TMEM200A: variants seen among roughly 807,000 people sequenced by gnomAD.
TMEM200A encodes two transmembrane C.
TMEM200A carries 12 observed loss-of-function variants against 24.3 expected under a neutral mutation model. The ratio of observed to expected loss-of-function variants is 0.49; its 90% confidence interval spans 0.32 to 0.80. The LOEUF is 0.80. Ranked by LOEUF, TMEM200A falls within the 30% of genes least tolerant of loss-of-function variation. The pLI is 0.04. For synonymous variants in TMEM200A, 224 were observed against 224.4 expected, an observed-to-expected ratio of 1.00 and a Z score of 0.02; for missense variants, 545 against 614.4, an observed-to-expected ratio of 0.89 and a Z score of 1.19.
chr6:130,392,198 T>G (rs1048238443), intron 2 of TMEM200A, among the ~76,000 whole-genome samples: 7 of 152,214 alleles, frequency 4.6e-5, no homozygotes, highest in African/African-American at 1.7e-4. Context: ...ATTGTGAAGA[T>G]CAAATTAGGT....
chr6:130,389,858 A>G (rs889973376), intron 2 of TMEM200A, among the ~76,000 whole-genome samples: 7 of 152,174 alleles, frequency 4.6e-5, no homozygotes, highest in African/African-American at 1.7e-4. Context: ...ATTTTATTAC[A>G]TGGGCTTCCA....
chr6:130,401,501 CTCTT>C (rs1159987913), intron 2 of TMEM200A, among the ~76,000 whole-genome samples: 4 of 144,760 alleles, frequency 2.8e-5, no homozygotes, highest in Admixed American at 7.0e-5. Flanking sequence ...CTTCCTTTCT[CTCTT>C]TCTTTTTTCT....
At chr6:130,365,636 C>T, upstream of TMEM200A, 2 of 985,408 alleles carry the variant, frequency 2.0e-6, no homozygotes, top group South Asian at 9.4e-5. Flanking sequence ...ACCGGTGGTC[C>T]CGCGGTAGCT....
intron 2 of TMEM200A, among the ~76,000 whole-genome samples, chr6:130,428,439 T>C (rs1402672481): frequency 6.6e-6 from 1 of 152,164 alleles, no homozygotes; most frequent in Non-Finnish European, 1.5e-5. Context: ...CTTTTTTCTT[T>C]CTTTCTTTTG....
rs76737553 is a variant in TMEM200A at position 130,428,072 on chromosome 6, G to A, written c.-16-12335G>A. On this transcript the variant is annotated intron_variant, in intron 2 of 2. Coordinates refer to ENST00000296978, the MANE Select transcript of TMEM200A (RefSeq NM_001258277.2). The stretch of plus-strand genomic sequence containing the variant: ...TTATCCTGTTATTGTTATCTTAGGC[G>A]TCCCTTGAACTCATTTTTACTGCTA... Among the ~76,000 whole-genome samples, 845 of 152,070 alleles carry A rather than the reference G, an allele frequency of 5.6e-3. 9 individuals are homozygous for A. Among genetic ancestry groups the A allele is most frequent in the African/African-American group, 0.017 (702 of 41,510 alleles).
At chr6:130,425,951 ATTAT>A (rs1429034617) in intron 2 of TMEM200A, among the ~76,000 whole-genome samples, 2 of 152,178 alleles carry the variant, frequency 1.3e-5, no homozygotes, top group African/African-American at 2.4e-5. Context: ...ACAAATGCTA[ATTAT>A]TTATTTAGAA....
chr6:130,410,278 T>C (rs967367816), intron 2 of TMEM200A, among the ~76,000 whole-genome samples: 3 of 152,178 alleles, frequency 2.0e-5, no homozygotes, highest in African/African-American at 7.2e-5. Context: ...TCATCTTACA[T>C]ATTAGAAACT....
chr6:130,410,206 T>A (rs1779299992), intron 2 of TMEM200A, among the ~76,000 whole-genome samples: 1 of 152,128 alleles, frequency 6.6e-6, no homozygotes, highest in Non-Finnish European at 1.5e-5. Flanking sequence ...CCCTGTGTGG[T>A]CTGGCTGATT....
chr6:130,373,377 AC>A (rs1778364900), intron 1 of TMEM200A, among the ~76,000 whole-genome samples: 1 of 152,178 alleles, frequency 6.6e-6, no homozygotes, highest in African/African-American at 2.4e-5. Flanking sequence ...TAATCCTATG[AC>A]CCAAAGGCAC....
At chr6:130,387,508 G>T (rs925906877) in intron 2 of TMEM200A, among the ~76,000 whole-genome samples, 1 of 152,100 alleles carries the variant, frequency 6.6e-6, no homozygotes, top group African/African-American at 2.4e-5. Flanking sequence ...CCTGATCTTA[G>T]GTGATCCGCC....
At chr6:130,428,954 A>G (rs1399247633) in intron 2 of TMEM200A, among the ~76,000 whole-genome samples, 1 of 152,190 alleles carries the variant, frequency 6.6e-6, no homozygotes. Context: ...TACCAATTGT[A>G]TTGTATACCA....
intron 2 of TMEM200A, among the ~76,000 whole-genome samples, chr6:130,410,872 A>AG (rs1424602417): frequency 6.6e-6 from 1 of 152,208 alleles, no homozygotes; most frequent in Non-Finnish European, 1.5e-5. Context: ...CTTTAGTAGA[A>AG]GTTTTGGAAA....
intron 2 of TMEM200A, chr6:130,438,521 A>AGAT (rs1398170925): frequency 6.6e-6 from 1 of 152,226 alleles, no homozygotes; most frequent in African/African-American, 2.4e-5. Context: ...TTATGAATCA[A>AGAT]GATAGATATT....
chr6:130,397,959 C>T (rs977253783), intron 2 of TMEM200A, among the ~76,000 whole-genome samples: 4 of 151,062 alleles, frequency 2.6e-5, no homozygotes, highest in East Asian at 3.9e-4. Flanking sequence ...TCTTTATAAA[C>T]GTTTCTTTTT....
chr6:130,431,089 T>C (rs1226105860), intron 2 of TMEM200A, among the ~76,000 whole-genome samples: 1 of 152,172 alleles, frequency 6.6e-6, no homozygotes, highest in Non-Finnish European at 1.5e-5. Context: ...CTTGCCAAAG[T>C]GTAGACTTAT....
chr6:130,372,016 C>A (rs548265133), intron 1 of TMEM200A, among the ~76,000 whole-genome samples: 17 of 152,262 alleles, frequency 1.1e-4, no homozygotes, highest in Admixed American at 3.3e-4. Flanking sequence ...TATGCCTCCC[C>A]ACCATCGCCA....
intron 2 of TMEM200A, among the ~76,000 whole-genome samples, chr6:130,417,939 G>A (rs1215999836): frequency 6.6e-6 from 1 of 152,134 alleles, no homozygotes; most frequent in East Asian, 1.9e-4. Context: ...CCATAAGCCT[G>A]TTTACTTTGT....
chr6:130,400,091 TATAC>T (rs1265828742), intron 2 of TMEM200A, among the ~76,000 whole-genome samples: 10 of 151,362 alleles, frequency 6.6e-5, no homozygotes, highest in African/African-American at 2.2e-4. Flanking sequence ...TATGTACAGA[TATAC>T]ATATATATAT....
chr6:130,406,609 C>T (rs1779215012), intron 2 of TMEM200A, among the ~76,000 whole-genome samples: 1 of 152,150 alleles, frequency 6.6e-6, no homozygotes, highest in African/African-American at 2.4e-5. Context: ...AGGTGCATTG[C>T]TGTAGACTCT....
Sources: allele counts gnomAD v4.1 joint callset (sites outside exome capture counted in the v4.1 genomes callset), GRCh38; gene constraint gnomAD v4.1.1; transcripts MANE v1.5; gene names NCBI Gene and HGNC (gene_info 2026-07-23, HGNC 2026-07-21).